The following TTC6 variants were observed in gnomAD, a reference collection of about 807,000 sequenced individuals.
TTC6 encodes tetratricopeptide repeat domain 6.
In TTC6, 172 loss-of-function variants were observed where a neutral mutation model predicts 210.4. That is an observed-to-expected ratio of 0.82 (90% CI 0.72 to 0.93). The LOEUF is 0.93. Ranked by LOEUF, TTC6 falls within the 40% of genes least tolerant of loss-of-function variation. TTC6 has a pLI of 0.00. For synonymous variants in TTC6, 804 were observed against 819.6 expected (o/e 0.98, Z 0.32); for missense variants, 2,414 against 2,318.1 (o/e 1.04, Z -0.85).
At chr14:37,738,934 C>T (rs757284840) in exon 10 of TTC6, 1 of 1,535,298 alleles carries the variant, frequency 6.5e-7, no homozygotes. Flanking sequence ...CTGAGGAGCC[C>T]AACTATGTGA....
intron 20 of TTC6, among the ~76,000 whole-genome samples, chr14:37,798,322 A>T (rs2096097396): frequency 6.6e-6 from 1 of 151,970 alleles, no homozygotes; most frequent in South Asian, 2.1e-4. Context: ...TAGATTTTAC[A>T]TATCCATTGC....
intron 2 of TTC6, among the ~76,000 whole-genome samples, chr14:37,612,286 T>C (rs1009302319): frequency 6.6e-6 from 1 of 152,176 alleles, no homozygotes; most frequent in Non-Finnish European, 1.5e-5. Context: ...ATAGAAGAGG[T>C]TGCATTTTCT....
At chr14:37,832,329 CTTTTTTT>C (rs58133834) in intron 29 of TTC6, among the ~76,000 whole-genome samples, 3 of 68,916 alleles carry the variant, frequency 4.4e-5, no homozygotes, top group African/African-American at 5.6e-5. Flanking sequence ...TTCTTTCTCT[CTTTTTTT>C]TTTTTTTTTT....
At chr14:37,763,000 T>G (rs1323786369) in intron 14 of TTC6, among the ~76,000 whole-genome samples, 1 of 150,592 alleles carries the variant, frequency 6.6e-6, no homozygotes, top group African/African-American at 2.4e-5. Context: ...TTCTCCTGCC[T>G]CAGCCTCCGG....
At position 37,721,916 on chromosome 14, in the gene TTC6, G is replaced by GTATA. The variant is rs200901025; in HGVS notation, c.1714-2973_1714-2970dup. On this transcript the variant is annotated intron_variant, in intron 6 of 30. Coordinates refer to ENST00000553443, the Ensembl canonical transcript of TTC6. ...CACACATATATACACATGTATATAT[G>GTATA]TATATATATATACATATATATATAT... 2.8e-3 allele frequency among the ~76,000 whole-genome samples: 362 copies of GTATA among 130,664 alleles called. 1 individual carries two copies. The highest frequency in any genetic ancestry group is 9.9e-3 in the African/African-American group (349 of 35,320). The allele number at this position is 130,664 out of a possible 152,430, so 85.7% of individuals were successfully genotyped here.
intron 20 of TTC6, among the ~76,000 whole-genome samples, chr14:37,799,933 C>T (rs527584891): frequency 6.6e-6 from 1 of 152,136 alleles, no homozygotes; most frequent in African/African-American, 2.4e-5. Context: ...TCTGCTTGTT[C>T]GTCAACAATA....
chr14:37,768,059 T>C (rs1566940831), intron 14 of TTC6, among the ~76,000 whole-genome samples: 2 of 151,062 alleles, frequency 1.3e-5, no homozygotes, highest in African/African-American at 4.8e-5. Flanking sequence ...AAATAGGGAA[T>C]CCTTTCCCCA....
intron 1 of TTC6, among the ~76,000 whole-genome samples, chr14:37,642,248 G>T (rs892336359): frequency 1.3e-5 from 2 of 152,200 alleles, no homozygotes; most frequent in Non-Finnish European, 1.5e-5. Flanking sequence ...CCAAGGATTT[G>T]CTCATAGTGC....
intron 14 of TTC6, among the ~76,000 whole-genome samples, chr14:37,771,973 T>C (rs1426842699): frequency 1.3e-5 from 2 of 152,154 alleles, no homozygotes; most frequent in Non-Finnish European, 2.9e-5. Flanking sequence ...GATGTACAGA[T>C]GGGTTTTTGG....
chr14:37,700,682 G>T (rs1281466254), intron 4 of TTC6, among the ~76,000 whole-genome samples: 4 of 136,300 alleles, frequency 2.9e-5, no homozygotes, highest in Non-Finnish European at 6.1e-5. Context: ...GGCGGCGGTT[G>T]CAGTGAGCCA....
At chr14:37,739,751 C>G (rs1336857193) in intron 10 of TTC6, among the ~76,000 whole-genome samples, 1 of 152,008 alleles carries the variant, frequency 6.6e-6, no homozygotes, top group Non-Finnish European at 1.5e-5. Flanking sequence ...AAAACCCAAA[C>G]AAGTTATTTG....
chr14:37,820,096 G>A (rs1453095640), intron 26 of TTC6, among the ~76,000 whole-genome samples: 5 of 152,194 alleles, frequency 3.3e-5, no homozygotes, highest in Admixed American at 3.3e-4. Flanking sequence ...CTGTCATGCA[G>A]TTACTTAACA....
chr14:37,727,179 C>G (rs1243611911), intron 7 of TTC6, among the ~76,000 whole-genome samples: 1 of 151,582 alleles, frequency 6.6e-6, no homozygotes, highest in Non-Finnish European at 1.5e-5. Context: ...GACCAAAAAC[C>G]TTTTGTATTA....
chr14:37,695,375 A>T (rs1376379312), intron 3 of TTC6, among the ~76,000 whole-genome samples: 1 of 150,970 alleles, frequency 6.6e-6, no homozygotes, highest in South Asian at 2.1e-4. Context: ...TTTATTTGAG[A>T]TGGAATTTCA....
rs2095700822 is a variant in TTC6, at chr14:37,645,954, A to G, written c.939+22951A>G. Among the ~76,000 whole-genome samples the G allele has an allele frequency of 2.0e-5, 3 of 152,182 alleles. 1 individual carries two copies. The highest frequency in any genetic ancestry group is 2.0e-4 in the Admixed American group (3 of 15,270). On this transcript the variant is annotated intron_variant, in intron 1 of 30. Coordinates refer to ENST00000553443, the Ensembl canonical transcript of TTC6. ...TAATATAACACCCTTTTTGTAACAT[A>G]CAGGAACAATGACAGTAATATGTGG...
chr14:37,739,590 A>G (rs2095912390), intron 10 of TTC6, among the ~76,000 whole-genome samples: 1 of 149,154 alleles, frequency 6.7e-6, no homozygotes, highest in Non-Finnish European at 1.5e-5. Context: ...AAAAAAAAAA[A>G]GAAAGACAAA....
intron 3 of TTC6, among the ~76,000 whole-genome samples, chr14:37,696,213 A>G (rs2095814555): frequency 6.6e-6 from 1 of 152,152 alleles, no homozygotes; most frequent in Non-Finnish European, 1.5e-5. Flanking sequence ...GGCCTCCCTG[A>G]TTTCTTCCTT....
At chr14:37,751,561 A>G (rs1205908650) in intron 13 of TTC6, among the ~76,000 whole-genome samples, 1 of 152,126 alleles carries the variant, frequency 6.6e-6, no homozygotes, top group Non-Finnish European at 1.5e-5. Flanking sequence ...ACCTTTAAAC[A>G]TTAAAGAAAA....
intron 25 of TTC6, among the ~76,000 whole-genome samples, chr14:37,812,958 C>T (rs528681000): frequency 6.6e-6 from 1 of 152,214 alleles, no homozygotes; most frequent in Non-Finnish European, 1.5e-5. Flanking sequence ...AAATGTATTT[C>T]ATTAAAGAAT....
Sources: gnomAD v4.1 joint callset for allele counts (sites outside exome capture counted in the v4.1 genomes callset) on GRCh38, gnomAD v4.1.1 for gene constraint, MANE v1.5 for transcripts, NCBI Gene and HGNC (gene_info 2026-07-23, HGNC 2026-07-21) for gene names.